MSH4: variants seen among roughly 807,000 people sequenced by gnomAD.
MSH4 encodes the protein mutS homolog 4, also known as mutS protein homolog 4.
In MSH4, 106 loss-of-function variants were observed where a neutral mutation model predicts 113.7. The observed-to-expected ratio is 0.93, with a 90% CI of 0.80 to 1.10. MSH4 has a LOEUF of 1.10. MSH4 is among the 50% of genes least tolerant of loss of function. The probability of loss-of-function intolerance (pLI) is 0.00; values close to 1 mark genes in which losing one functional copy is unlikely to be tolerated. For synonymous variants in MSH4, 368 were observed against 380.2 expected (o/e 0.97, Z 0.37); for missense variants, 1,061 against 1,093.7 (o/e 0.97, Z 0.42).
rs146127110 is a variant in MSH4, at chr1:75,834,681, C to T, written c.1162+12100C>T. On this transcript the variant is annotated intron_variant, in intron 7 of 19. Coordinates refer to ENST00000263187, the MANE Select transcript of MSH4 (RefSeq NM_002440.4). The stretch of plus-strand genomic sequence containing the variant: ...CATTCAGAGCAAACTATCACAAGGA[C>T]AGAAAACCAAACACCGCATGTTCTC... Among the ~76,000 whole-genome samples the T allele has an allele frequency of 6.6e-4, 100 of 152,232 alleles. 1 individual carries two copies. Among genetic ancestry groups the T allele is most frequent in the Middle Eastern group, 3.4e-3 (1 of 294 alleles).
intron 6 of MSH4, among the ~76,000 whole-genome samples, chr1:75,821,629 C>T (rs1250882): frequency 6.6e-6 from 1 of 152,158 alleles, no homozygotes; most frequent in South Asian, 2.1e-4. Flanking sequence ...ACTTTTTTTG[C>T]GACAAGATCT....
chr1:75,806,536 C>T (rs1041310614), intron 2 of MSH4, among the ~76,000 whole-genome samples: 9 of 152,110 alleles, frequency 5.9e-5, no homozygotes, highest in African/African-American at 1.9e-4. Context: ...CATGAGCCAC[C>T]GCGCCCGGCC....
In MSH4 at chr1:75,870,382, G is replaced by A. The variant is rs561470691; in HGVS notation, c.1305+2794G>A. ...AGTTAAGACTTTGGGAGACTCTTTG[G>A]AAGGAATGATTGGTTTTGAAATGTG... On this transcript the variant is annotated intron_variant, in intron 9 of 19. Transcript: ENST00000263187. 8.5e-5 allele frequency among the ~76,000 whole-genome samples: 13 copies of A among 152,304 alleles called. No homozygotes were observed. In the East Asian group the frequency reaches 2.5e-3, roughly 29 times the overall value.
chr1:75,868,552 T>C (rs980960385), intron 9 of MSH4, among the ~76,000 whole-genome samples: 7 of 152,258 alleles, frequency 4.6e-5, no homozygotes, highest in Non-Finnish European at 8.8e-5. Context: ...AACTTTGTTA[T>C]AGAGATTATT....
intron 7 of MSH4, among the ~76,000 whole-genome samples, chr1:75,825,759 A>T (rs1486617128): frequency 6.6e-6 from 1 of 152,156 alleles, no homozygotes; most frequent in Non-Finnish European, 1.5e-5. Flanking sequence ...TATGTGACAG[A>T]TTACATTTAG....
chr1:75,832,838 G>T (rs1650734250), intron 7 of MSH4, among the ~76,000 whole-genome samples: 2 of 152,062 alleles, frequency 1.3e-5, no homozygotes, highest in Non-Finnish European at 2.9e-5. Flanking sequence ...CATACTGAAT[G>T]GGCAAAAACT....
intron 17 of MSH4, among the ~76,000 whole-genome samples, chr1:75,892,766 G>A (rs1652285281): frequency 1.3e-5 from 2 of 152,064 alleles, no homozygotes. Context: ...TCACTACCAG[G>A]AAGAACCAGG....
Position 75,895,921 on chromosome 1 carries a change from T to G in MSH4, c.2356-1986T>G, listed in dbSNP as rs149012358. Among the ~76,000 whole-genome samples the G allele has an allele frequency of 3.8e-3, 585 of 152,260 alleles. 4 individuals are homozygous for G. The highest frequency in any genetic ancestry group is 0.014 in the African/African-American group (564 of 41,552). On this transcript the variant is annotated intron_variant, in intron 17 of 19. Transcript: ENST00000263187. Reference sequence around the variant, plus strand: ...AAGTTTACAAGGGGTGGATTTGTGTTGAATAGTTTTATGTGTCAACTTGGC... The same window carrying G: ...AAGTTTACAAGGGGTGGATTTGTGTGGAATAGTTTTATGTGTCAACTTGGC...
chr1:75,875,244 T>A (rs11161801), intron 9 of MSH4, among the ~76,000 whole-genome samples: 1 of 152,124 alleles, frequency 6.6e-6, no homozygotes, highest in South Asian at 2.1e-4. Flanking sequence ...CATTAATCAA[T>A]GGATGATGAA....
At chr1:75,829,940 A>G (rs1650644364) in intron 7 of MSH4, among the ~76,000 whole-genome samples, 2 of 152,162 alleles carry the variant, frequency 1.3e-5, no homozygotes, top group African/African-American at 4.8e-5. Flanking sequence ...AAGGAGAATG[A>G]CATTGATGAG....
At position 75,797,172 on chromosome 1, in the gene MSH4, C is replaced by CGGA; in HGVS notation, c.189_191dup (p.Arg63dup). ...TGGCACGTCAGGAGCTGCGGGCGAC[C>CGGA]GGAGCAGCAGCAGCAGCAGCCTTCC... On this transcript the variant is annotated inframe_insertion, in exon 1 of 20. Transcript: ENST00000263187. The CGGA allele has an allele frequency of 6.2e-7, 1 of 1,610,646 alleles. No individual in the cohort carries two copies. The highest frequency in any genetic ancestry group is 8.5e-7 in the Non-Finnish European group (1 of 1,178,582).
At chr1:75,877,519 A>T (rs1020945119) in intron 10 of MSH4, among the ~76,000 whole-genome samples, 6 of 152,182 alleles carry the variant, frequency 3.9e-5, no homozygotes, top group African/African-American at 1.2e-4. Flanking sequence ...TTAATTGAAG[A>T]TTTATCCCGT....
In MSH4 at chr1:75,890,768, A is replaced by G. The variant is rs540450905; in HGVS notation, c.2299A>G (p.Thr767Ala). 2.5e-6 allele frequency: 4 copies of G among 1,610,890 alleles called. No homozygotes were observed. Among genetic ancestry groups the G allele is most frequent in the Non-Finnish European group, 3.4e-6 (4 of 1,178,334 alleles). The change falls in exon 17 of 20, where the codon ACG (threonine) becomes GCG (alanine). Residue 767 changes from threonine to alanine, a missense_variant. Thr to Ala is a moderately conservative substitution (Grantham distance 58, BLOSUM62 0). Transcript: ENST00000263187. ...LIDELGRGTN[T>A]EEGIGICYAV... ...TGATGAACTTGGCAGAGGTACTAAT[A>G]CGGAAGAAGGTATTGGCATTTGTTA...
At chr1:75,813,538 T>C (rs1285619721) in intron 4 of MSH4, among the ~76,000 whole-genome samples, 2 of 152,054 alleles carry the variant, frequency 1.3e-5, no homozygotes, top group African/African-American at 4.8e-5. Context: ...TCCTAGAAAA[T>C]TGATATTTTA....
intron 8 of MSH4, among the ~76,000 whole-genome samples, chr1:75,858,701 C>G (rs1047202718): frequency 1.3e-5 from 2 of 152,198 alleles, no homozygotes; most frequent in African/African-American, 4.8e-5. Context: ...CATTGATGTT[C>G]ATCAGGGATG....
At chr1:75,875,799 GT>G (rs1163632134) in intron 9 of MSH4, among the ~76,000 whole-genome samples, 14 of 148,422 alleles carry the variant, frequency 9.4e-5, no homozygotes, top group East Asian at 6.0e-4. Context: ...GGTATGTCAG[GT>G]TTTTTTTTTA....
At chr1:75,868,012 A>G (rs1018163241) in intron 9 of MSH4, among the ~76,000 whole-genome samples, 1 of 152,030 alleles carries the variant, frequency 6.6e-6, no homozygotes, top group African/African-American at 2.4e-5. Context: ...CATATCTTAT[A>G]TTTAATGTCA....
intron 9 of MSH4, among the ~76,000 whole-genome samples, chr1:75,868,316 ATGGAGAG>A (rs2100561982): frequency 6.6e-6 from 1 of 152,328 alleles, no homozygotes; most frequent in Admixed American, 6.5e-5. Context: ...TTATTAATCT[ATGGAGAG>A]TTATTTTGAG....
intron 7 of MSH4, among the ~76,000 whole-genome samples, chr1:75,836,207 CTGTT>C (rs1204691847): frequency 1.3e-5 from 2 of 152,230 alleles, no homozygotes; most frequent in East Asian, 3.9e-4. Flanking sequence ...TGAAATCACA[CTGTT>C]GGTTGGCTTG....
Sources: gnomAD v4.1 joint callset for allele counts (sites outside exome capture counted in the v4.1 genomes callset) on GRCh38, gnomAD v4.1.1 for gene constraint, MANE v1.5 for transcripts, NCBI Gene and HGNC (gene_info 2026-07-23, HGNC 2026-07-21) for gene names.